The following RPRD2 variants were observed in gnomAD, a reference collection of about 807,000 sequenced individuals.
RPRD2 encodes the protein regulation of nuclear pre-mRNA domain containing 2.
RPRD2 carries 12 observed loss-of-function variants against 104.4 expected under a neutral mutation model. The ratio of observed to expected loss-of-function variants is 0.11; its 90% confidence interval spans 0.07 to 0.19. RPRD2 has a LOEUF of 0.19. RPRD2 is among the 10% of genes least tolerant of loss of function. The probability of loss-of-function intolerance (pLI) is 1.00; values close to 1 mark genes in which losing one functional copy is unlikely to be tolerated. For missense variants in RPRD2, 1,543 were observed against 1,790.1 expected, an observed-to-expected ratio of 0.86 and a Z score of 2.49; for synonymous variants, 714 against 684.9, an observed-to-expected ratio of 1.04 and a Z score of -0.66.
chr1:150,465,754 G>A (rs1668218950), intron 10 of RPRD2, among the ~76,000 whole-genome samples: 2 of 142,376 alleles, frequency 1.4e-5, no homozygotes, highest in Non-Finnish European at 3.1e-5. Context: ...AGTAGGAAGG[G>A]TCCATTTATT....
Position 150,475,543 on chromosome 1 carries a change from G to C in RPRD2, c.*2209G>C, listed in dbSNP as rs6587754. 1 of 152,604 alleles carries C rather than the reference G, an allele frequency of 6.6e-6. No individual in the cohort carries two copies. The highest frequency in any genetic ancestry group is 1.5e-5 in the Non-Finnish European group (1 of 68,054). 9.5% of individuals were successfully genotyped at this position (152,604 alleles called of 1,614,324 possible). A position where few individuals can be genotyped will look rare whatever the true frequency, so the allele number is the denominator to read the frequency against. The stretch of plus-strand genomic sequence containing the variant: ...AAGACTTTGTTGGACAGTTTCGAAG[G>C]TGGGCTTTTAAGGAGTTGGGTTTTT... On this transcript the variant is annotated 3_prime_UTR_variant, in exon 11 of 11. Transcript: ENST00000369068.
chr1:150,379,125 A>AT (rs1289695501), intron 1 of RPRD2, among the ~76,000 whole-genome samples: 4 of 151,556 alleles, frequency 2.6e-5, no homozygotes, highest in Non-Finnish European at 4.4e-5. Flanking sequence ...TACTAAAAAA[A>AT]AACAAAAATT....
intron 2 of RPRD2, among the ~76,000 whole-genome samples, chr1:150,424,325 C>T (rs1404618733): frequency 2.0e-5 from 3 of 150,996 alleles, no homozygotes; most frequent in East Asian, 3.9e-4. Context: ...AGTCTCACTC[C>T]GTCGCCCAGG....
intron 2 of RPRD2, among the ~76,000 whole-genome samples, chr1:150,436,006 A>G (rs920314433): frequency 5.3e-5 from 8 of 152,124 alleles, no homozygotes; most frequent in Non-Finnish European, 7.4e-5. Context: ...GTTAAAAATT[A>G]TGCTAAATCT....
chr1:150,423,970 T>A (rs1323412955), intron 2 of RPRD2, among the ~76,000 whole-genome samples: 5 of 151,898 alleles, frequency 3.3e-5, no homozygotes, highest in Non-Finnish European at 7.4e-5. Context: ...TTTTGTACTT[T>A]CAGTAGAGAC....
intron 1 of RPRD2, among the ~76,000 whole-genome samples, chr1:150,406,168 A>G (rs1277659241): frequency 6.6e-6 from 1 of 152,170 alleles, no homozygotes; most frequent in Non-Finnish European, 1.5e-5. Context: ...ACGGTGCTTG[A>G]TTAACTGCTT....
intron 7 of RPRD2, among the ~76,000 whole-genome samples, chr1:150,450,272 C>T (rs2102383540): frequency 6.6e-6 from 1 of 152,178 alleles, no homozygotes; most frequent in East Asian, 1.9e-4. Flanking sequence ...GTATTTCCTA[C>T]TGGACATACT....
chr1:150,386,174 A>G (rs906195985), intron 1 of RPRD2, among the ~76,000 whole-genome samples: 5 of 152,130 alleles, frequency 3.3e-5, no homozygotes, highest in African/African-American at 7.2e-5. Flanking sequence ...GGATCTCACT[A>G]TGTTGCCCAG....
chr1:150,381,429 A>G (rs1661120430), intron 1 of RPRD2, among the ~76,000 whole-genome samples: 1 of 152,092 alleles, frequency 6.6e-6, no homozygotes, highest in South Asian at 2.1e-4. Flanking sequence ...CCAAAAACAC[A>G]AAAGTGCTTA....
intron 2 of RPRD2, among the ~76,000 whole-genome samples, chr1:150,427,431 C>CCA (rs1665219807): frequency 6.6e-6 from 1 of 151,528 alleles, no homozygotes. Context: ...CGAGATTGCC[C>CCA]CACTGCACTC....
Position 150,470,831 on chromosome 1 carries a change from C to G in RPRD2, c.1883C>G (p.Ser628Cys), listed in dbSNP as rs1668540154. The G allele has an allele frequency of 6.2e-7, 1 of 1,613,992 alleles. No homozygotes were observed. The highest frequency in any genetic ancestry group is 1.3e-5 in the African/African-American group (1 of 75,080). Reference protein sequence around the residue: ...PSTTFKLPSNSLGFTATHNTS... With the variant: ...PSTTFKLPSNCLGFTATHNTS... ...ACTACTTTTAAACTACCTTCCAACT[C>G]TTTGGGGTTTACAGCTACCCACAAT... The change falls in exon 11 of 11, where the codon TCT becomes TGT. Residue 628 changes from serine to cysteine, a missense_variant. Ser to Cys is a moderately radical substitution (Grantham distance 112). Around this residue, in one of 4 missense-constraint regions of RPRD2, gnomAD observed 572 missense variants for 787.3 expected, o/e 0.73. Coordinates refer to ENST00000369068, the MANE Select transcript of RPRD2 (RefSeq NM_015203.5).
chr1:150,402,493 C>T (rs1663114842), intron 1 of RPRD2, among the ~76,000 whole-genome samples: 1 of 151,810 alleles, frequency 6.6e-6, no homozygotes, highest in Non-Finnish European at 1.5e-5. Context: ...GCCTGGGCAA[C>T]ATAGTGAGAC....
rs368661236 is a variant in RPRD2, at chr1:150,425,984, C to T, written c.335+8259C>T. Among the ~76,000 whole-genome samples, 4 of 152,090 alleles carry T rather than the reference C, an allele frequency of 2.6e-5. No individual in the cohort carries two copies. In the East Asian group the frequency reaches 7.7e-4, roughly 29 times the overall value. ...GGTGTGGTGGCATATGCCTGTGGTC[C>T]AAGCTACTTGGAAGGCTGAAGCAGG... On this transcript the variant is annotated intron_variant, in intron 2 of 10. Transcript: ENST00000369068.
At chr1:150,402,415 C>T (rs143141323) in intron 1 of RPRD2, among the ~76,000 whole-genome samples, 100 of 152,300 alleles carry the variant, frequency 6.6e-4, no homozygotes, top group Middle Eastern at 3.4e-3. Flanking sequence ...TGGTGGCTCA[C>T]GCCTGTAATC....
At chr1:150,394,998 T>A (rs1263817380) in intron 1 of RPRD2, among the ~76,000 whole-genome samples, 3 of 152,234 alleles carry the variant, frequency 2.0e-5, no homozygotes, top group East Asian at 1.9e-4. Context: ...TTCTTTTTTT[T>A]AAATTAAATT....
intron 2 of RPRD2, among the ~76,000 whole-genome samples, chr1:150,429,505 C>T (rs1336198338): frequency 6.6e-6 from 1 of 152,074 alleles, no homozygotes; most frequent in African/African-American, 2.4e-5. Context: ...CAGGCACGCA[C>T]AACCATACCT....
At chr1:150,418,499 A>G (rs1396806834) in intron 2 of RPRD2, among the ~76,000 whole-genome samples, 2 of 152,094 alleles carry the variant, frequency 1.3e-5, no homozygotes, top group Non-Finnish European at 2.9e-5. Context: ...TCCCACCATC[A>G]TACTCCCAAC....
intron 2 of RPRD2, among the ~76,000 whole-genome samples, chr1:150,428,913 G>A (rs1553891051): frequency 2.0e-5 from 3 of 152,212 alleles, no homozygotes; most frequent in South Asian, 2.1e-4. Flanking sequence ...AGCAAAGAAA[G>A]CATCTGTTGA....
chr1:150,376,289 C>T (rs1048037833), intron 1 of RPRD2, among the ~76,000 whole-genome samples: 2 of 152,090 alleles, frequency 1.3e-5, no homozygotes, highest in African/African-American at 4.8e-5. Context: ...CACTTACTTG[C>T]ACTTTCTAGT....
Sources: allele counts gnomAD v4.1 joint callset (sites outside exome capture counted in the v4.1 genomes callset), GRCh38; gene constraint gnomAD v4.1.1; regional missense constraint gnomAD v4.1.1; transcripts MANE v1.5; gene names NCBI Gene and HGNC (gene_info 2026-07-23, HGNC 2026-07-21).